Variants in RORA observed in about 807,000 individuals in gnomAD.
The protein encoded by RORA is RAR related orphan receptor A, also known as nuclear receptor ROR-alpha.
A neutral mutation model predicts 69.5 loss-of-function variants in RORA; 7 were observed. The ratio of observed to expected loss-of-function variants is 0.10; its 90% CI spans 0.06 to 0.19. The LOEUF is 0.19. RORA is among the 10% of genes least tolerant of loss of function. The pLI is 1.00. For synonymous variants in RORA, 261 were observed against 240.8 expected (o/e 1.08, Z -0.78); for missense variants, 457 against 663.0 (o/e 0.69, Z 3.41).
At chr15:61,098,074 TTCCC>T (rs1452034506) in intron 1 of RORA, among the ~76,000 whole-genome samples, 1 of 150,072 alleles carries the variant, frequency 6.7e-6, no homozygotes, top group East Asian at 2.0e-4. Context: ...CCTTCCTTCC[TTCCC>T]TCCTTCTCCC....
At chr15:60,980,019 A>G (rs1195649662) in intron 1 of RORA, among the ~76,000 whole-genome samples, 1 of 152,124 alleles carries the variant, frequency 6.6e-6, no homozygotes, top group Non-Finnish European at 1.5e-5. Context: ...TGGGTTTTTC[A>G]TAGATGCCTT....
chr15:60,993,370 G>A (rs116967092), intron 1 of RORA, among the ~76,000 whole-genome samples: 3,838 of 152,128 alleles, frequency 0.025, 69 homozygotes, highest in East Asian at 0.049. Context: ...TGGGCACAGC[G>A]GCTCACTCCT....
chr15:61,068,366 T>C (rs1361740408), intron 1 of RORA, among the ~76,000 whole-genome samples: 1 of 152,252 alleles, frequency 6.6e-6, no homozygotes, highest in Admixed American at 6.5e-5. Context: ...ATTGTATATC[T>C]AACCACTGTT....
chr15:60,533,567 T>C (rs1416133506), intron 2 of RORA, among the ~76,000 whole-genome samples: 1 of 152,210 alleles, frequency 6.6e-6, no homozygotes, highest in Admixed American at 6.5e-5. Context: ...CAAAGGTTTG[T>C]GCCACAGATC....
chr15:61,179,385 T>C lies in RORA; in HGVS notation c.166+49668A>G, dbSNP rs559608199. Among the ~76,000 whole-genome samples the C allele has an allele frequency of 7.2e-5, 11 of 152,308 alleles. No individual in the cohort carries two copies. The East Asian group carries it at 2.1e-3, about 29-fold the overall frequency. ...TCTATTAAGCCAGACATAAAAGAGA[T>C]ACGCAAAAATAAAAAAGAATGCCAC... is the stretch of plus-strand genomic sequence containing the variant. On this transcript the variant is annotated intron_variant, in intron 1 of 10. Coordinates refer to ENST00000335670, the MANE Select transcript of RORA (RefSeq NM_134261.3).
At chr15:60,548,047 A>G (rs1011628878) in intron 2 of RORA, 5 of 152,218 alleles carry the variant, frequency 3.3e-5, no homozygotes, top group African/African-American at 4.8e-5. Flanking sequence ...TTCATTACCC[A>G]TCACTGCTGC....
At chr15:60,766,345 AAATAT>A (rs1567183215) in intron 1 of RORA, among the ~76,000 whole-genome samples, 1 of 152,286 alleles carries the variant, frequency 6.6e-6, no homozygotes, top group East Asian at 1.9e-4. Flanking sequence ...TAGTAAAAAA[AAATAT>A]AATAAAGTAA....
intron 1 of RORA, among the ~76,000 whole-genome samples, chr15:60,708,417 C>CAA (rs568365743): frequency 1.2e-4 from 8 of 66,370 alleles, no homozygotes; most frequent in South Asian, 4.5e-4. Context: ...GACTCCGTCT[C>CAA]AAAAAAAAAA....
chr15:60,880,454 C>T (rs1284659665), intron 1 of RORA, among the ~76,000 whole-genome samples: 2 of 152,168 alleles, frequency 1.3e-5, no homozygotes, highest in Non-Finnish European at 2.9e-5. Flanking sequence ...TCCGGGCCAA[C>T]ACGGTGAAAC....
chr15:61,197,912 G>A (rs1304709189), intron 1 of RORA, among the ~76,000 whole-genome samples: 3 of 152,150 alleles, frequency 2.0e-5, no homozygotes, highest in Non-Finnish European at 4.4e-5. Context: ...GTTCAAGGGA[G>A]GCTGGAGAGT....
intron 1 of RORA, among the ~76,000 whole-genome samples, chr15:61,135,307 C>T (rs551268369): frequency 5.9e-5 from 9 of 151,810 alleles, no homozygotes; most frequent in East Asian, 1.9e-4. Flanking sequence ...CTCCAGCCTG[C>T]GCTACAGAGA....
At chr15:61,122,798 G>C (rs2079114787) in intron 1 of RORA, among the ~76,000 whole-genome samples, 1 of 152,148 alleles carries the variant, frequency 6.6e-6, no homozygotes, top group Non-Finnish European at 1.5e-5. Context: ...CATTTGTCCT[G>C]ATTTGCTCTA....
chr15:60,943,286 C>A (rs1488373505), intron 1 of RORA, among the ~76,000 whole-genome samples: 1 of 151,756 alleles, frequency 6.6e-6, no homozygotes, highest in African/African-American at 2.4e-5. Flanking sequence ...TGGGGTTTAA[C>A]CTCTCACATG....
At chr15:61,060,334 C>T (rs1384734654) in intron 1 of RORA, among the ~76,000 whole-genome samples, 1 of 152,174 alleles carries the variant, frequency 6.6e-6, no homozygotes, top group Non-Finnish European at 1.5e-5. Context: ...GGCTCTCCTT[C>T]CTTCCACTAC....
At chr15:60,958,915 C>T (rs1893343042) in intron 1 of RORA, among the ~76,000 whole-genome samples, 1 of 152,192 alleles carries the variant, frequency 6.6e-6, no homozygotes, top group South Asian at 2.1e-4. Flanking sequence ...GAAGACCTCA[C>T]AGAGGCAATG....
At chr15:60,837,031 C>T (rs2073125921) in intron 1 of RORA, among the ~76,000 whole-genome samples, 1 of 132,396 alleles carries the variant, frequency 7.6e-6, no homozygotes, top group Non-Finnish European at 1.7e-5. Context: ...CATATTCATA[C>T]CTTGACCTTT....
At chr15:61,116,826 G>A (rs745484909) in intron 1 of RORA, among the ~76,000 whole-genome samples, 15 of 152,024 alleles carry the variant, frequency 9.9e-5, no homozygotes, top group Non-Finnish European at 1.5e-4. Context: ...TAACTAAATG[G>A]CTCCTAGGTC....
intron 1 of RORA, among the ~76,000 whole-genome samples, chr15:60,997,483 T>C (rs72754721): frequency 0.13 from 19,043 of 152,202 alleles, 1,570 homozygotes; most frequent in Non-Finnish European, 0.18. Flanking sequence ...TATATTTATA[T>C]GTCATTAACT....
chr15:61,136,982 C>T (rs2140855947), intron 1 of RORA, among the ~76,000 whole-genome samples: 1 of 141,732 alleles, frequency 7.1e-6, no homozygotes, highest in East Asian at 2.1e-4. Flanking sequence ...TGACTGGAGA[C>T]CAAAGCTGAT....
Sources: gnomAD v4.1 joint callset for allele counts (sites outside exome capture counted in the v4.1 genomes callset) on GRCh38, gnomAD v4.1.1 for gene constraint, MANE v1.5 for transcripts, NCBI Gene and HGNC (gene_info 2026-07-23, HGNC 2026-07-21) for gene names.